C4orf50: variants seen among roughly 807,000 people sequenced by gnomAD.
C4orf50 encodes the protein chromosome 4 open reading frame 50, also known as uncharacterized protein C4orf50.
Under a neutral mutation model 77.2 loss-of-function variants are expected in C4orf50, and 80 were observed. The ratio of observed to expected loss-of-function variants is 1.04; its 90% CI spans 0.87 to 1.25. C4orf50 has a LOEUF of 1.25. Ranked by LOEUF, C4orf50 falls within the 50% of genes most tolerant of loss-of-function variation. C4orf50 has a pLI of 0.00. For missense variants in C4orf50, 1,257 were observed against 1,152.9 expected (o/e 1.09, Z -1.31); for synonymous variants, 532 against 465.3 (o/e 1.14, Z -1.84).
At chr4:6,001,775 T>G (rs1328756093) in intron 25 of C4orf50, among the ~76,000 whole-genome samples, 1 of 152,256 alleles carries the variant, frequency 6.6e-6, no homozygotes, top group Non-Finnish European at 1.5e-5. Context: ...TCTTGCAAGA[T>G]GCATGTTTTG....
chr4:5,947,259 T>C (rs1379171899), intron 7 of C4orf50, among the ~76,000 whole-genome samples: 2 of 152,112 alleles, frequency 1.3e-5, no homozygotes, highest in African/African-American at 4.8e-5. Flanking sequence ...CCTCCAAGAA[T>C]GGCCTCCCTT....
intron 7 of C4orf50, among the ~76,000 whole-genome samples, chr4:5,912,256 CGTGT>C (rs58017259): frequency 0.26 from 37,531 of 146,152 alleles, 4,840 homozygotes; most frequent in African/African-American, 0.32. Flanking sequence ...GCACTCCACT[CGTGT>C]GTGTGTGTGT....
rs1461986977 is a variant in C4orf50, at chr4:5,958,362, T to G, written c.*1013A>C. ...CAGCTGGCTTGACAAGAGCATGCTT[T>G]GCCCACTTCCCCTCCAGGGGCACAT... On this transcript the variant is annotated 3_prime_UTR_variant, in exon 34 of 34. Transcript: ENST00000531445. This position sits in a 1 kb window ranked among gnomAD's most constrained non-coding sequence, Gnocchi z 5.4. The G allele has an allele frequency of 6.6e-6, 1 of 152,272 alleles. No homozygotes were observed. Among genetic ancestry groups the G allele is most frequent in the East Asian group, 1.9e-4 (1 of 5,204 alleles). The allele number at this position is 152,272 out of a possible 1,614,324, so 9.4% of individuals were successfully genotyped here.
At chr4:5,994,171 C>G (rs1192071215) in intron 26 of C4orf50, among the ~76,000 whole-genome samples, 176 bp downstream of exon 4, 1 of 152,206 alleles carries the variant, frequency 6.6e-6, no homozygotes, top group Non-Finnish European at 1.5e-5. Context: ...CCACCTGCAG[C>G]AGCTGTGTGA....
exon 34 of C4orf50, chr4:5,957,722 C>G (rs1185065642): frequency 6.6e-6 from 1 of 152,124 alleles, no homozygotes; most frequent in East Asian, 1.9e-4. Flanking sequence ...TAAATCAATC[C>G]AGGAATACAT....
At chr4:5,968,579 G>T (rs564691768) in intron 31 of C4orf50, among the ~76,000 whole-genome samples, 1 of 152,286 alleles carries the variant, frequency 6.6e-6, no homozygotes, top group Admixed American at 6.5e-5. Flanking sequence ...TGTCCACTCA[G>T]GTCCCGCAGC....
At chr4:6,012,253 G>T (rs1036836347) in intron 23 of C4orf50, among the ~76,000 whole-genome samples, 1 of 152,178 alleles carries the variant, frequency 6.6e-6, no homozygotes, top group African/African-American at 2.4e-5. Flanking sequence ...CCAACTCAGA[G>T]CACCTGAGCT....
At chr4:5,988,750 A>G (rs972091639) in exon 28 of C4orf50, 4 of 1,535,958 alleles carry the variant, frequency 2.6e-6, no homozygotes, top group African/African-American at 2.7e-5. Context: ...TTCCCTCTCC[A>G]GGACATGGAC....
chr4:5,915,663 C>T (rs1003445344), intron 7 of C4orf50, among the ~76,000 whole-genome samples: 8 of 152,198 alleles, frequency 5.3e-5, no homozygotes, highest in South Asian at 4.1e-4. Context: ...ACTGAGTGGT[C>T]GGTAGCATCA....
At chr4:5,904,227 T>G (rs1016029743) in intron 7 of C4orf50, 1 of 152,264 alleles carries the variant, frequency 6.6e-6, no homozygotes, top group East Asian at 1.9e-4. Flanking sequence ...TGGCCGCCAG[T>G]GTAAGCGGGC....
intron 7 of C4orf50, among the ~76,000 whole-genome samples, chr4:5,929,815 C>G (rs1717685401): frequency 6.6e-6 from 1 of 152,212 alleles, no homozygotes; most frequent in Non-Finnish European, 1.5e-5. Context: ...TTATCTCATT[C>G]TGCAATGATC....
At chr4:5,942,981 T>C (rs1335386742) in intron 7 of C4orf50, among the ~76,000 whole-genome samples, 6 of 152,232 alleles carry the variant, frequency 3.9e-5, no homozygotes, top group Non-Finnish European at 8.8e-5. Context: ...AATACGTATA[T>C]ATTAATTTTT....
At chr4:5,915,732 T>G (rs1717002111) in intron 7 of C4orf50, among the ~76,000 whole-genome samples, 1 of 152,206 alleles carries the variant, frequency 6.6e-6, no homozygotes, top group Non-Finnish European at 1.5e-5. Flanking sequence ...GAGTGGGTAA[T>G]AAACACGTGC....
intron 7 of C4orf50, among the ~76,000 whole-genome samples, chr4:5,917,329 T>C (rs1162950316): frequency 6.6e-6 from 1 of 151,216 alleles, no homozygotes; most frequent in African/African-American, 2.4e-5. Context: ...CTGAAAAATA[T>C]ACATGATCCT....
chr4:5,990,219 C>G (rs1490461111), exon 28 of C4orf50: 30 of 1,244,038 alleles, frequency 2.4e-5, no homozygotes, highest in Non-Finnish European at 2.8e-5. Context: ...CGGCCTTAGT[C>G]TCTGAAGCCC....
intron 7 of C4orf50, among the ~76,000 whole-genome samples, chr4:5,925,731 T>C (rs748488082): frequency 1.5e-4 from 23 of 152,208 alleles, no homozygotes; most frequent in Non-Finnish European, 2.8e-4. Flanking sequence ...CACAGTCTGG[T>C]AGGCGAGATA....
chr4:5,925,481 C>A (rs931304771), intron 7 of C4orf50, among the ~76,000 whole-genome samples: 4 of 152,218 alleles, frequency 2.6e-5, no homozygotes, highest in African/African-American at 7.2e-5. Context: ...CCGATGGTCA[C>A]CCTGTTGGGA....
Position 6,009,132 on chromosome 4 carries a change from C to A in C4orf50, c.427-600G>T, listed in dbSNP as rs906483370. On this transcript the variant is annotated intron_variant, in intron 24 of 33. Coordinates refer to ENST00000531445, the Ensembl canonical transcript of C4orf50. This position sits in a 1 kb window ranked among gnomAD's most constrained non-coding sequence, Gnocchi z 5.6. ...CATATCACGCAGCTAAAATTCACTG[C>A]GGCCAGGATGCCAAGCGCCTTGTAT... Among the ~76,000 whole-genome samples the A allele has an allele frequency of 1.3e-5, 2 of 152,216 alleles. No individual in the cohort carries two copies. The highest frequency in any genetic ancestry group is 2.9e-5 in the Non-Finnish European group (2 of 68,040).
At chr4:5,996,666 T>G (rs1721604949) in intron 25 of C4orf50, among the ~76,000 whole-genome samples, 1 of 152,196 alleles carries the variant, frequency 6.6e-6, no homozygotes, top group African/African-American at 2.4e-5. Context: ...GTATGATGGT[T>G]TGGGTCTTGT....
Sources: allele counts gnomAD v4.1 joint callset (sites outside exome capture counted in the v4.1 genomes callset), GRCh38; gene constraint gnomAD v4.1.1; non-coding constraint Gnocchi (gnomAD v3.1); transcripts MANE v1.5; gene names NCBI Gene and HGNC (gene_info 2026-07-23, HGNC 2026-07-21).